YWHAE: variants seen among roughly 807,000 people sequenced by gnomAD.
The protein encoded by YWHAE is 14-3-3 protein epsilon.
A neutral mutation model predicts 30.1 loss-of-function variants in YWHAE; 4 were observed. The observed-to-expected ratio is 0.13, with a 90% confidence interval of 0.07 to 0.30. The LOEUF is 0.30. Among genes scored for constraint, YWHAE ranks in the 10% least tolerant of loss-of-function variants. The pLI is 1.00. For synonymous variants in YWHAE, 118 were observed against 111.8 expected (o/e 1.06, Z -0.35); for missense variants, 121 against 315.9 (o/e 0.38, Z 4.68).
At chr17:1,355,658 C>T (rs1363211567) in intron 4 of YWHAE, among the ~76,000 whole-genome samples, 1 of 151,864 alleles carries the variant, frequency 6.6e-6, no homozygotes, top group African/African-American at 2.4e-5. Flanking sequence ...ATACGATATA[C>T]CAATAGAAAA....
At chr17:1,375,164 A>G (rs946007983) in intron 1 of YWHAE, among the ~76,000 whole-genome samples, 1 of 152,214 alleles carries the variant, frequency 6.6e-6, no homozygotes, top group Non-Finnish European at 1.5e-5. Context: ...ACCAGTTTGT[A>G]CAAATAACGA....
intron 1 of YWHAE, among the ~76,000 whole-genome samples, chr17:1,373,254 C>G (rs184582101): frequency 1.4e-3 from 216 of 151,824 alleles, no homozygotes; most frequent in African/African-American, 4.9e-3. Flanking sequence ...AAAAAACAAG[C>G]AAAAAAAGGA....
intron 1 of YWHAE, among the ~76,000 whole-genome samples, chr17:1,378,004 G>A (rs2073150016): frequency 6.6e-6 from 1 of 151,724 alleles, no homozygotes. Flanking sequence ...AGCCAAGATC[G>A]CGTCACTGCA....
Position 1,383,311 on chromosome 17 carries a change from T to C in YWHAE, c.64+16736A>G, listed in dbSNP as rs141147094. On this transcript the variant is annotated intron_variant, in intron 1 of 5. Transcript: ENST00000264335. The stretch of plus-strand genomic sequence containing the variant: ...GTTTCCGCGAGCTGAGATCGCGCGA[T>C]TGCACTCCAGCCTGGGCAACAAGAG... 8.8e-4 allele frequency among the ~76,000 whole-genome samples: 133 copies of C among 151,664 alleles called. 2 individuals are homozygous for C. The East Asian group carries it at 0.019, about 22-fold the overall frequency.
intron 1 of YWHAE, among the ~76,000 whole-genome samples, chr17:1,383,065 A>C (rs1468709346): frequency 6.6e-6 from 1 of 151,410 alleles, no homozygotes; most frequent in East Asian, 2.0e-4. Context: ...AAAGTGGAAA[A>C]ACTGGCTGGT....
chr17:1,347,839 A>T, intron 5 of YWHAE: 1 of 464,574 alleles, frequency 2.2e-6, no homozygotes. Flanking sequence ...GAAAAGGCTT[A>T]GGTCAGCGCC....
intron 1 of YWHAE, 32 bp from the exon 2 acceptor site, chr17:1,365,090 A>G (rs769897213): frequency 6.3e-7 from 1 of 1,596,328 alleles, no homozygotes; most frequent in Non-Finnish European, 8.5e-7. Context: ...CAGACCTTAC[A>G]AATTTGAAGT....
chr17:1,392,571 C>T (rs2073404342), intron 1 of YWHAE, among the ~76,000 whole-genome samples: 1 of 152,076 alleles, frequency 6.6e-6, no homozygotes, highest in African/African-American at 2.4e-5. Flanking sequence ...TATATCTGGC[C>T]GGGTGCGGTG....
chr17:1,399,139 G>A lies in YWHAE; in HGVS notation c.64+908C>T, dbSNP rs547712434. The A allele has an allele frequency of 1.6e-4, 24 of 152,260 alleles. No homozygotes were observed. In the East Asian group the frequency reaches 4.4e-3, roughly 28 times the overall value. 9.4% of individuals were successfully genotyped at this position (152,260 alleles called of 1,614,324 possible). A position where few individuals can be genotyped will look rare whatever the true frequency, so the allele number is the denominator to read the frequency against. On this transcript the variant is annotated intron_variant, in intron 1 of 5. Coordinates refer to ENST00000264335, the MANE Select transcript of YWHAE (RefSeq NM_006761.5). ...AAGTCATCGTTTTTACAAACGGGGGGACGGAGGCTCGGGCTCTACAAAGGC... is the reference window on the plus strand; with the variant it reads ...AAGTCATCGTTTTTACAAACGGGGGAACGGAGGCTCGGGCTCTACAAAGGC...
At chr17:1,378,715 C>T (rs556729099) in intron 1 of YWHAE, among the ~76,000 whole-genome samples, 4 of 152,156 alleles carry the variant, frequency 2.6e-5, no homozygotes, top group Non-Finnish European at 4.4e-5. Flanking sequence ...GAGGCCAAGG[C>T]GGGTGGATCA....
intron 1 of YWHAE, among the ~76,000 whole-genome samples, chr17:1,373,073 T>C (rs1218983571): frequency 6.6e-6 from 1 of 151,366 alleles, no homozygotes; most frequent in Non-Finnish European, 1.5e-5. Context: ...AAACCCTGTC[T>C]CTACTAAAAA....
At chr17:1,369,828 TA>T (rs1299140981) in intron 1 of YWHAE, 3 of 152,092 alleles carry the variant, frequency 2.0e-5, no homozygotes, top group African/African-American at 7.3e-5. Context: ...AACTACACTG[TA>T]ATCTATTAAG....
At chr17:1,359,868 T>G (rs1233631570) in intron 4 of YWHAE, among the ~76,000 whole-genome samples, 1 of 124,338 alleles carries the variant, frequency 8.0e-6, no homozygotes, top group African/African-American at 3.1e-5. Flanking sequence ...AAGTCTCGCT[T>G]TGTCGCCCAG....
chr17:1,360,747 CAG>C (rs1257150819), intron 4 of YWHAE, among the ~76,000 whole-genome samples: 3 of 152,074 alleles, frequency 2.0e-5, no homozygotes, highest in Admixed American at 6.6e-5. Flanking sequence ...GCCTGGGAGA[CAG>C]AGTGAGACAT....
chr17:1,358,156 A>G (rs2072790138), intron 4 of YWHAE, among the ~76,000 whole-genome samples: 1 of 151,992 alleles, frequency 6.6e-6, no homozygotes, highest in African/African-American at 2.4e-5. Flanking sequence ...TGGGAGGCTA[A>G]GGCAAGAGGA....
intron 4 of YWHAE, among the ~76,000 whole-genome samples, chr17:1,359,269 A>C (rs530940116): frequency 1.7e-4 from 26 of 152,306 alleles, no homozygotes; most frequent in African/African-American, 6.3e-4. Context: ...GCAGTGAGCT[A>C]TGAGTGCACA....
intron 1 of YWHAE, among the ~76,000 whole-genome samples, chr17:1,375,751 T>G (rs564191297): frequency 6.6e-6 from 1 of 152,336 alleles, no homozygotes; most frequent in South Asian, 2.1e-4. Context: ...AACCAGCTTG[T>G]GTCTGGGACA....
At chr17:1,382,483 A>T (rs1395718857) in intron 1 of YWHAE, among the ~76,000 whole-genome samples, 5 of 143,986 alleles carry the variant, frequency 3.5e-5, no homozygotes, top group African/African-American at 1.0e-4. Context: ...CAGCCTCCCA[A>T]GTAGCTGGGA....
chr17:1,386,129 GT>G (rs1446677191), intron 1 of YWHAE, among the ~76,000 whole-genome samples: 1 of 152,142 alleles, frequency 6.6e-6, no homozygotes, highest in East Asian at 1.9e-4. Context: ...TGGATAACAA[GT>G]GAAAGAAATA....
Sources: allele counts gnomAD v4.1 joint callset (sites outside exome capture counted in the v4.1 genomes callset), GRCh38; gene constraint gnomAD v4.1.1; transcripts MANE v1.5; gene names NCBI Gene and HGNC (gene_info 2026-07-23, HGNC 2026-07-21).